The following KIAA0825 variants were observed in gnomAD, a reference collection of about 807,000 sequenced individuals.
KIAA0825 encodes uncharacterized protein KIAA0825.
A neutral mutation model predicts 147.6 loss-of-function variants in KIAA0825; 119 were observed. The observed-to-expected ratio is 0.81, with a 90% CI of 0.69 to 0.94. The LOEUF (loss-of-function observed/expected upper bound fraction) is 0.94. Among genes scored for constraint, KIAA0825 ranks in the 40% least tolerant of loss-of-function variants. The probability of loss-of-function intolerance (pLI) is 0.00; values close to 1 mark genes in which losing one functional copy is unlikely to be tolerated. For synonymous variants in KIAA0825, 470 were observed against 518.1 expected (o/e 0.91, Z 1.26); for missense variants, 1,381 against 1,472.7 (o/e 0.94, Z 1.02).
At chr5:94,216,502 A>G (rs1404471990) in intron 20 of KIAA0825, among the ~76,000 whole-genome samples, 1 of 152,170 alleles carries the variant, frequency 6.6e-6, no homozygotes, top group Non-Finnish European at 1.5e-5. Flanking sequence ...TCCAGGAGGA[A>G]TAAAGTGATT....
At chr5:94,380,817 AAGG>A (rs1443162216) in intron 20 of KIAA0825, among the ~76,000 whole-genome samples, 3 of 152,214 alleles carry the variant, frequency 2.0e-5, no homozygotes, top group African/African-American at 7.2e-5. Context: ...CATGAATCGG[AAGG>A]AGATGTTTTG....
intron 14 of KIAA0825, among the ~76,000 whole-genome samples, chr5:94,420,432 T>A (rs755865073): frequency 5.1e-4 from 77 of 152,156 alleles, no homozygotes; most frequent in Non-Finnish European, 9.7e-4. Flanking sequence ...TGCTTTGACA[T>A]TTTACTGACA....
chr5:94,194,872 T>C (rs1770987771), intron 20 of KIAA0825, among the ~76,000 whole-genome samples: 1 of 152,214 alleles, frequency 6.6e-6, no homozygotes, highest in Admixed American at 6.5e-5. Context: ...TTTTTTGCCA[T>C]GTGTTCATCT....
At chr5:94,325,428 G>T (rs922348934) in intron 20 of KIAA0825, among the ~76,000 whole-genome samples, 2 of 151,790 alleles carry the variant, frequency 1.3e-5, no homozygotes, top group Admixed American at 6.6e-5. Flanking sequence ...AACTTGAAAA[G>T]AACTCTCTAT....
At chr5:94,402,695 A>T (rs1321329513) in intron 16 of KIAA0825, among the ~76,000 whole-genome samples, 1 of 151,068 alleles carries the variant, frequency 6.6e-6, no homozygotes, top group Non-Finnish European at 1.5e-5. Flanking sequence ...GAGAAAAAAT[A>T]TTTTCACTAA....
chr5:94,168,756 G>A (rs1296099728), intron 20 of KIAA0825, among the ~76,000 whole-genome samples: 1 of 152,106 alleles, frequency 6.6e-6, no homozygotes, highest in Non-Finnish European at 1.5e-5. Context: ...ACTATATACT[G>A]CCAGAACCAT....
intron 14 of KIAA0825, among the ~76,000 whole-genome samples, chr5:94,426,616 G>T (rs1285452160): frequency 6.6e-6 from 1 of 152,196 alleles, no homozygotes; most frequent in Non-Finnish European, 1.5e-5. Flanking sequence ...ACAGTTAGAA[G>T]AAATAAGTTC....
At chr5:94,326,119 C>G (rs2150265346) in intron 20 of KIAA0825, among the ~76,000 whole-genome samples, 1 of 152,136 alleles carries the variant, frequency 6.6e-6, no homozygotes, top group Non-Finnish European at 1.5e-5. Context: ...TCCATTCATA[C>G]TAGAGACATG....
At chr5:94,481,369 T>A (rs773763325) in intron 6 of KIAA0825, among the ~76,000 whole-genome samples, 6 of 152,092 alleles carry the variant, frequency 3.9e-5, no homozygotes, top group Non-Finnish European at 5.9e-5. Flanking sequence ...CAAATTGGTG[T>A]TCATAGGTTC....
intron 5 of KIAA0825, among the ~76,000 whole-genome samples, chr5:94,494,101 G>A (rs1025033132): frequency 8.5e-5 from 13 of 152,058 alleles, no homozygotes; most frequent in Admixed American, 7.9e-4. Context: ...AAACTGAAAA[G>A]ACACTGCTTC....
chr5:94,207,329 A>G (rs910256900), intron 20 of KIAA0825, among the ~76,000 whole-genome samples: 2 of 152,178 alleles, frequency 1.3e-5, no homozygotes, highest in Admixed American at 1.3e-4. Flanking sequence ...CAAAGAGGTA[A>G]GTTTACATAT....
At chr5:94,159,628 C>T (rs62367165) in intron 20 of KIAA0825, among the ~76,000 whole-genome samples, 5 of 151,860 alleles carry the variant, frequency 3.3e-5, no homozygotes, top group Non-Finnish European at 7.4e-5. Context: ...TGTATATGAT[C>T]GTGTTGTCAT....
rs6881074 is a variant in KIAA0825 at position 94,255,570 on chromosome 5, G to A, written c.3711-101446C>T. ...GAAGAGAAAACCACATGATGGCAGGGGAGATGGGCAGAAATATGGTTTTTA... is the reference window on the plus strand; with the variant it reads ...GAAGAGAAAACCACATGATGGCAGGAGAGATGGGCAGAAATATGGTTTTTA... On this transcript the variant is annotated intron_variant, in intron 20 of 20. Transcript: ENST00000682413. 6.6e-5 allele frequency among the ~76,000 whole-genome samples: 10 copies of A among 152,068 alleles called. 1 individual carries two copies. The highest frequency in any genetic ancestry group is 2.4e-4 in the African/African-American group (10 of 41,486).
At chr5:94,290,047 G>GA (rs958297842) in intron 20 of KIAA0825, among the ~76,000 whole-genome samples, 150 of 148,768 alleles carry the variant, frequency 1.0e-3, no homozygotes, top group Non-Finnish European at 1.6e-3. Context: ...TTTACTGATT[G>GA]AAAAAAAAAT....
chr5:94,577,318 T>C (rs77158723), intron 2 of KIAA0825, among the ~76,000 whole-genome samples: 4,770 of 152,236 alleles, frequency 0.031, 217 homozygotes, highest in East Asian at 0.21. Flanking sequence ...AGACAAAGGA[T>C]AGATAAAATC....
chr5:94,244,369 G>T (rs577338298), intron 20 of KIAA0825, among the ~76,000 whole-genome samples: 69 of 152,240 alleles, frequency 4.5e-4, no homozygotes, highest in Non-Finnish European at 3.4e-4. Flanking sequence ...GTCTTGCTCT[G>T]TCATCCAGAC....
intron 11 of KIAA0825, among the ~76,000 whole-genome samples, 198 bp downstream of exon 11, chr5:94,464,671 A>C (rs1760265527): frequency 6.6e-6 from 1 of 152,250 alleles, no homozygotes; most frequent in African/African-American, 2.4e-5. Context: ...GATTTTAAGG[A>C]ATAAAAAGAA....
In KIAA0825 at chr5:94,173,584, C is replaced by T. The variant is rs181662455; in HGVS notation, c.3711-19460G>A. ...CAAGAGCAGTGTCTCAGTTCAGAAG[C>T]TGCACTGCTTTTTATGGTCCAGCCT... On this transcript the variant is annotated intron_variant, in intron 20 of 20. Coordinates refer to ENST00000682413, the MANE Select transcript of KIAA0825 (RefSeq NM_001145678.3). 1.2e-4 allele frequency among the ~76,000 whole-genome samples: 18 copies of T among 152,288 alleles called. No individual in the cohort carries two copies. In the East Asian group the frequency reaches 3.5e-3, roughly 29 times the overall value.
At chr5:94,349,576 C>G (rs1007934904) in intron 20 of KIAA0825, among the ~76,000 whole-genome samples, 1 of 152,104 alleles carries the variant, frequency 6.6e-6, no homozygotes, top group Non-Finnish European at 1.5e-5. Context: ...GAAATCATAT[C>G]AAGTACTCTC....
Sources: allele counts gnomAD v4.1 joint callset (sites outside exome capture counted in the v4.1 genomes callset), GRCh38; gene constraint gnomAD v4.1.1; transcripts MANE v1.5; gene names NCBI Gene and HGNC (gene_info 2026-07-23, HGNC 2026-07-21).